The following KCNK5 variants were observed in gnomAD, a reference collection of about 807,000 sequenced individuals.
KCNK5 encodes the protein potassium two pore domain channel subfamily K member 5.
KCNK5 carries 18 observed loss-of-function variants against 32.9 expected under a neutral mutation model. That is an observed-to-expected ratio of 0.55 (90% CI 0.38 to 0.81). The LOEUF (loss-of-function observed/expected upper bound fraction) is 0.81, where lower values mean the gene tolerates loss of function less well. Among genes scored for constraint, KCNK5 ranks in the 30% least tolerant of loss-of-function variants. The pLI is 0.00. For synonymous variants in KCNK5, 276 were observed against 275.3 expected, an observed-to-expected ratio of 1.00 and a Z score of -0.03; for missense variants, 507 against 651.0, an observed-to-expected ratio of 0.78 and a Z score of 2.41.
In KCNK5 at chr6:39,217,552, C is replaced by A. The variant is rs551744471; in HGVS notation, c.186+11374G>T. Among the ~76,000 whole-genome samples, 23 of 152,314 alleles carry A rather than the reference C, an allele frequency of 1.5e-4. No individual in the cohort carries two copies. In the East Asian group the frequency reaches 4.4e-3, roughly 29 times the overall value. Reference sequence around the variant, plus strand: ...CTCTAATTGCTCTTTTATTGTACTTCCCCCACCCCTGGTGAGCAGAGTAAC... The same window carrying A: ...CTCTAATTGCTCTTTTATTGTACTTACCCCACCCCTGGTGAGCAGAGTAAC... On this transcript the variant is annotated intron_variant, in intron 1 of 4. Transcript: ENST00000359534.
intron 1 of KCNK5, among the ~76,000 whole-genome samples, chr6:39,204,275 C>T (rs1488326867): frequency 1.3e-5 from 2 of 152,188 alleles, no homozygotes; most frequent in East Asian, 1.9e-4. Flanking sequence ...TGTGCTAGGA[C>T]GTCGGCGCAG....
chr6:39,224,898 T>C (rs988065711), intron 1 of KCNK5, among the ~76,000 whole-genome samples: 1 of 152,060 alleles, frequency 6.6e-6, no homozygotes, highest in Non-Finnish European at 1.5e-5. Flanking sequence ...TTTTTTTTTT[T>C]CTTTAATCTT....
At chr6:39,227,150 T>A (rs1405140422) in intron 1 of KCNK5, among the ~76,000 whole-genome samples, 1 of 115,366 alleles carries the variant, frequency 8.7e-6, no homozygotes, top group African/African-American at 3.4e-5. Context: ...TCCCTTTGCC[T>A]TGTGTTTTGA....
intron 1 of KCNK5, among the ~76,000 whole-genome samples, chr6:39,207,259 T>A (rs1157443515): frequency 6.6e-6 from 1 of 152,214 alleles, no homozygotes; most frequent in Non-Finnish European, 1.5e-5. Flanking sequence ...CTACCTGACA[T>A]TCTACTAGGC....
intron 1 of KCNK5, among the ~76,000 whole-genome samples, chr6:39,196,472 C>T (rs1771032676): frequency 6.6e-6 from 1 of 152,202 alleles, no homozygotes; most frequent in African/African-American, 2.4e-5. Flanking sequence ...CTCACCCAGC[C>T]CTCCATGGAG....
intron 1 of KCNK5, among the ~76,000 whole-genome samples, chr6:39,203,958 C>A (rs1418452141): frequency 6.6e-6 from 1 of 152,186 alleles, no homozygotes; most frequent in Non-Finnish European, 1.5e-5. Context: ...GGGTGTGGCT[C>A]GGAGGGCAGC....
At chr6:39,201,971 C>CG (rs2113784566) in intron 1 of KCNK5, among the ~76,000 whole-genome samples, 1 of 152,196 alleles carries the variant, frequency 6.6e-6, no homozygotes, top group Admixed American at 6.5e-5. Context: ...TATCTAGAGA[C>CG]GGGGGTGAAA....
At chr6:39,227,959 G>C (rs1458596551) in intron 1 of KCNK5, among the ~76,000 whole-genome samples, 1 of 152,108 alleles carries the variant, frequency 6.6e-6, no homozygotes, top group Admixed American at 6.5e-5. Flanking sequence ...TTTCACCCAG[G>C]TCCTGGTCAT....
At chr6:39,226,313 C>G (rs567863665) in intron 1 of KCNK5, among the ~76,000 whole-genome samples, 3 of 152,280 alleles carry the variant, frequency 2.0e-5, no homozygotes, top group African/African-American at 7.2e-5. Flanking sequence ...ATCACGTGGT[C>G]CCAGGCTGGC....
chr6:39,226,304 T>A (rs1299081935), intron 1 of KCNK5, among the ~76,000 whole-genome samples: 3 of 152,296 alleles, frequency 2.0e-5, no homozygotes, highest in Non-Finnish European at 4.4e-5. Flanking sequence ...AAGAGGACGA[T>A]CACGTGGTCC....
Position 39,190,844 on chromosome 6 carries a change from A to AGGGGG in KCNK5, c.*41_*45dup. On this transcript the variant is annotated 3_prime_UTR_variant, in exon 5 of 5. Transcript: ENST00000359534. ...GGTCATCTCGGGACACCCTAGGGTG[A>AGGGGG]GGGGGGAAGAGGCCATCAAAGGTGG... The AGGGGG allele has an allele frequency of 6.9e-7, 1 of 1,442,096 alleles. No individual in the cohort carries two copies. The highest frequency in any genetic ancestry group is 1.5e-5 in the South Asian group (1 of 64,798). 89.3% of individuals were successfully genotyped at this position (1,442,096 alleles called of 1,614,324 possible). A position where few individuals can be genotyped will look rare whatever the true frequency, so the allele number is the denominator to read the frequency against.
At chr6:39,208,045 C>T (rs577878164) in intron 1 of KCNK5, among the ~76,000 whole-genome samples, 88 of 152,232 alleles carry the variant, frequency 5.8e-4, no homozygotes, top group African/African-American at 2.0e-3. Flanking sequence ...AACCCAGGGG[C>T]CTCCTCACCT....
chr6:39,201,288 G>A (rs544425579), intron 1 of KCNK5, among the ~76,000 whole-genome samples: 1 of 144,696 alleles, frequency 6.9e-6, no homozygotes, highest in Non-Finnish European at 1.5e-5. Context: ...GTCTCACTCT[G>A]TTGCCCAGGC....
chr6:39,222,239 C>G (rs1211756921), intron 1 of KCNK5, among the ~76,000 whole-genome samples: 1 of 152,064 alleles, frequency 6.6e-6, no homozygotes, highest in Non-Finnish European at 1.5e-5. Flanking sequence ...CTAAGGGGCT[C>G]GTAGTAGGAA....
intron 1 of KCNK5, among the ~76,000 whole-genome samples, chr6:39,203,661 G>A (rs1402895341): frequency 6.6e-6 from 1 of 152,174 alleles, no homozygotes; most frequent in African/African-American, 2.4e-5. Context: ...TGAACATGAA[G>A]CAAGACAATG....
At chr6:39,196,542 T>C (rs538934769) in intron 1 of KCNK5, among the ~76,000 whole-genome samples, 10 of 152,248 alleles carry the variant, frequency 6.6e-5, no homozygotes, top group African/African-American at 2.4e-4. Context: ...GGGCCCCCCA[T>C]ATACCCTTCA....
At chr6:39,224,834 G>A in intron 1 of KCNK5, among the ~76,000 whole-genome samples, 1 of 152,006 alleles carries the variant, frequency 6.6e-6, no homozygotes, top group Non-Finnish European at 1.5e-5. Context: ...TAGGAGAAAG[G>A]GCCACTCTCC....
At position 39,191,086 on chromosome 6, in the gene KCNK5, G is replaced by A; in HGVS notation, c.1304C>T (p.Ser435Phe). The A allele has an allele frequency of 6.2e-7, 1 of 1,614,094 alleles. No homozygotes were observed. Among genetic ancestry groups the A allele is most frequent in the African/African-American group, 1.3e-5 (1 of 75,070 alleles). Residue 435 changes from serine (S) to phenylalanine (F), a missense_variant, in exon 5 of 5, where the codon TCC (serine) becomes TTC (phenylalanine). Ser to Phe is a radical substitution (Grantham distance 155). Transcript: ENST00000359534. The surrounding 1 kb of genome is among the most constrained non-coding windows in gnomAD (Gnocchi z 5.8). ...CAAGTTGTCCTCTAGCGAGGACTTG[G>A]AGGTCTCCTCGTCTGAGAGGCCAGC... Reference protein sequence around the residue: ...TEAGLSDEETSKSSLEDNLAG... With the variant: ...TEAGLSDEETFKSSLEDNLAG...
chr6:39,225,094 G>C (rs767148050), intron 1 of KCNK5, among the ~76,000 whole-genome samples: 3 of 151,868 alleles, frequency 2.0e-5, no homozygotes, highest in Non-Finnish European at 4.4e-5. Context: ...CCAGACCCTC[G>C]TTAAGCGACC....
Sources: gnomAD v4.1 joint callset for allele counts (sites outside exome capture counted in the v4.1 genomes callset) on GRCh38, gnomAD v4.1.1 for gene constraint, Gnocchi (gnomAD v3.1) non-coding constraint, MANE v1.5 for transcripts, NCBI Gene and HGNC (gene_info 2026-07-23, HGNC 2026-07-21) for gene names.